The following TMEM53 variants were observed in gnomAD, a reference collection of about 807,000 sequenced individuals.
TMEM53 encodes the protein novel DUF829 domain-containing protein.
A neutral mutation model predicts 21.4 loss-of-function variants in TMEM53; 14 were observed. The observed-to-expected ratio is 0.65, with a 90% confidence interval of 0.43 to 1.02. The LOEUF (loss-of-function observed/expected upper bound fraction) is 1.02. Among genes scored for constraint, TMEM53 ranks in the 50% least tolerant of loss-of-function variants. The pLI is 0.00. For missense variants in TMEM53, 323 were observed against 383.6 expected (o/e 0.84, Z 1.32); for synonymous variants, 148 against 157.4 (o/e 0.94, Z 0.45).
At chr1:44,661,415 T>A (rs1454243584) in intron 1 of TMEM53, among the ~76,000 whole-genome samples, 1 of 138,626 alleles carries the variant, frequency 7.2e-6, no homozygotes, top group Non-Finnish European at 1.7e-5. Flanking sequence ...TTTTTTTTTT[T>A]TTAAGAGTAA....
chr1:44,657,116 G>T (rs1644857684), intron 2 of TMEM53, among the ~76,000 whole-genome samples: 1 of 151,946 alleles, frequency 6.6e-6, no homozygotes, highest in African/African-American at 2.4e-5. Context: ...GATTGCTTGA[G>T]CCCAAGAGTT....
intron 1 of TMEM53, among the ~76,000 whole-genome samples, chr1:44,663,621 T>A (rs1005098618): frequency 4.6e-5 from 7 of 152,178 alleles, no homozygotes; most frequent in Non-Finnish European, 1.0e-4. Context: ...ACTCCTCCCC[T>A]TTTCTTACTT....
At chr1:44,666,374 A>T (rs1644948891) in intron 1 of TMEM53, among the ~76,000 whole-genome samples, 1 of 152,240 alleles carries the variant, frequency 6.6e-6, no homozygotes. Flanking sequence ...TTTCACTACT[A>T]GGGATACATC....
chr1:44,661,418 A>T (rs80354560), intron 1 of TMEM53, among the ~76,000 whole-genome samples: 39 of 85,910 alleles, frequency 4.5e-4, no homozygotes, highest in Middle Eastern at 8.6e-3. Flanking sequence ...TTTTTTTTTT[A>T]AGAGTAAAAA....
chr1:44,662,342 C>T (rs1047558937), intron 1 of TMEM53, among the ~76,000 whole-genome samples: 2 of 152,194 alleles, frequency 1.3e-5, no homozygotes, highest in African/African-American at 4.8e-5. Context: ...CTGGCTCGGC[C>T]TCTGATAAGG....
intron 1 of TMEM53, among the ~76,000 whole-genome samples, chr1:44,666,144 T>C (rs1273869381): frequency 6.6e-6 from 1 of 152,186 alleles, no homozygotes; most frequent in African/African-American, 2.4e-5. Flanking sequence ...CTCAACATCA[T>C]AGCCATTAGG....
Position 44,659,496 on chromosome 1 carries a change from G to A in TMEM53, c.183+678C>T, listed in dbSNP as rs560474041. ...CAACCTTGGTTGGATGAGAAGAAGCGTGAATCTCTTTTCCAAGAGGCCCTA... is the reference window on the plus strand; with the variant it reads ...CAACCTTGGTTGGATGAGAAGAAGCATGAATCTCTTTTCCAAGAGGCCCTA... On this transcript the variant is annotated intron_variant, in intron 2 of 2. Transcript: ENST00000372237. Among the ~76,000 whole-genome samples the A allele has an allele frequency of 1.8e-4, 28 of 152,318 alleles. No homozygotes were observed. In the South Asian group the frequency reaches 5.2e-3, roughly 28 times the overall value.
intron 1 of TMEM53, 124 bp from the exon 2 acceptor site, chr1:44,660,419 T>A: frequency 7.3e-7 from 1 of 1,374,818 alleles, no homozygotes; most frequent in Non-Finnish European, 9.9e-7. Context: ...GGCCCAGGCA[T>A]CCTGCCAGCA....
chr1:44,661,286 A>C (rs1644899788), intron 1 of TMEM53, among the ~76,000 whole-genome samples: 1 of 152,132 alleles, frequency 6.6e-6, no homozygotes, highest in Admixed American at 6.5e-5. Flanking sequence ...GCTGGAGGGC[A>C]GTGGCACGAT....
Position 44,654,856 on chromosome 1 carries a change from C to G in TMEM53, c.537G>C (p.Leu179=). ...GCAGGACGTGGAACAGGACGACCAC[C>G]AGGGCAAAGGCCACCAGCAGCAACA... ...LRLLLLVAFA[L]VVVLFHVLLA... is the part of the protein sequence containing the mutation. The change falls in exon 3 of 3, where the codon CTG becomes CTC. Residue 179 remains leucine (L), a synonymous_variant. Coordinates refer to ENST00000372237, the MANE Select transcript of TMEM53 (RefSeq NM_024587.4). The surrounding 1 kb of genome is among the most constrained non-coding windows in gnomAD (Gnocchi z 7.0). 1.9e-6 allele frequency: 3 copies of G among 1,612,904 alleles called. No individual in the cohort carries two copies. Among genetic ancestry groups the G allele is most frequent in the South Asian group, 2.2e-5 (2 of 91,088 alleles).
At chr1:44,671,938 A>G (rs557072969) in intron 1 of TMEM53, among the ~76,000 whole-genome samples, 90 of 152,336 alleles carry the variant, frequency 5.9e-4, no homozygotes, top group African/African-American at 2.1e-3. Flanking sequence ...CAAAAAAAAA[A>G]GTTTTTAAAA....
intron 1 of TMEM53, among the ~76,000 whole-genome samples, chr1:44,662,395 TCAC>T (rs1644910178): frequency 6.6e-6 from 1 of 152,116 alleles, no homozygotes; most frequent in South Asian, 2.1e-4. Context: ...CCAAATATTC[TCAC>T]CACTTTTCTC....
intron 2 of TMEM53, among the ~76,000 whole-genome samples, chr1:44,657,177 G>C (rs1032003966): frequency 6.6e-6 from 1 of 152,212 alleles, no homozygotes; most frequent in Non-Finnish European, 1.5e-5. Context: ...CTGGGTGACA[G>C]AGTGAGACCT....
intron 1 of TMEM53, 150 bp from the exon 2 acceptor site, chr1:44,660,445 C>A (rs1351583278): frequency 3.5e-6 from 4 of 1,146,740 alleles, no homozygotes; most frequent in African/African-American, 1.6e-5. Flanking sequence ...GCACCAGTTC[C>A]CACCCCGTGC....
At chr1:44,657,810 G>A (rs1644863191) in intron 2 of TMEM53, among the ~76,000 whole-genome samples, 1 of 152,032 alleles carries the variant, frequency 6.6e-6, no homozygotes, top group South Asian at 2.1e-4. Context: ...CAAAGTGCTG[G>A]GATTACAGGC....
intron 1 of TMEM53, among the ~76,000 whole-genome samples, chr1:44,672,702 A>G (rs553027258): frequency 6.6e-6 from 1 of 151,820 alleles, no homozygotes; most frequent in Admixed American, 6.6e-5. Context: ...AGCCTCCTGG[A>G]GCAGCAAAGG....
intron 1 of TMEM53, among the ~76,000 whole-genome samples, chr1:44,668,379 C>T (rs1206944479): frequency 1.3e-5 from 2 of 151,910 alleles, no homozygotes; most frequent in African/African-American, 4.8e-5. Flanking sequence ...GCTGAGATCG[C>T]ACCACTGCAC....
At chr1:44,662,900 G>T (rs958731332) in intron 1 of TMEM53, among the ~76,000 whole-genome samples, 2 of 152,154 alleles carry the variant, frequency 1.3e-5, no homozygotes, top group African/African-American at 4.8e-5. Flanking sequence ...CTGAGGCTGG[G>T]ATTTGTAACT....
chr1:44,674,283 G>A, intron 1 of TMEM53, 48 bp downstream of exon 1: 2 of 1,576,228 alleles, frequency 1.3e-6, no homozygotes, highest in Non-Finnish European at 8.6e-7. Context: ...CAACCCACAG[G>A]TTCATGAGGT....
Sources: allele counts gnomAD v4.1 joint callset (sites outside exome capture counted in the v4.1 genomes callset), GRCh38; gene constraint gnomAD v4.1.1; non-coding constraint Gnocchi (gnomAD v3.1); transcripts MANE v1.5; gene names NCBI Gene and HGNC (gene_info 2026-07-23, HGNC 2026-07-21).